The following KALRN variants were observed in gnomAD, a reference collection of about 807,000 sequenced individuals.
The protein encoded by KALRN is kalirin RhoGEF kinase.
A neutral mutation model predicts 353.7 loss-of-function variants in KALRN; 70 were observed. That is an observed-to-expected ratio of 0.20 (90% confidence interval 0.16 to 0.24). KALRN has a LOEUF of 0.24. Among genes scored for constraint, KALRN ranks in the 10% least tolerant of loss-of-function variants. The probability of loss-of-function intolerance (pLI) is 1.00; values close to 1 mark genes in which losing one functional copy is unlikely to be tolerated. For missense variants in KALRN, 2,791 were observed against 3,756.7 expected (o/e 0.74, Z 6.72); for synonymous variants, 1,391 against 1,434.8 (o/e 0.97, Z 0.69).
At chr3:124,637,151 T>C (rs1231806597) in intron 36 of KALRN, 57 bp from the exon 37 acceptor site, 1 of 1,349,888 alleles carries the variant, frequency 7.4e-7, no homozygotes, top group East Asian at 2.3e-5. Context: ...TATTTCCTGA[T>C]CACTGTTCCT....
At chr3:124,408,333 T>G (rs1000868306) in intron 13 of KALRN, among the ~76,000 whole-genome samples, 1 of 152,152 alleles carries the variant, frequency 6.6e-6, no homozygotes, top group East Asian at 1.9e-4. Flanking sequence ...GAAGTGAGAA[T>G]AGTAAAAAGA....
At chr3:124,148,104 C>T (rs909404930) in intron 1 of KALRN, among the ~76,000 whole-genome samples, 2 of 152,106 alleles carry the variant, frequency 1.3e-5, no homozygotes, top group African/African-American at 2.4e-5. Context: ...AAGGACTTGA[C>T]CAACAATGGG....
intron 47 of KALRN, among the ~76,000 whole-genome samples, chr3:124,669,042 C>A (rs1265875079): frequency 6.6e-6 from 1 of 152,190 alleles, no homozygotes; most frequent in East Asian, 1.9e-4. Context: ...CTGTGCCAGG[C>A]ACTATGCTAA....
At chr3:124,671,605 C>T (rs142035081) in intron 47 of KALRN, 55 bp from the exon 48 acceptor site, 30 of 1,341,772 alleles carry the variant, frequency 2.2e-5, no homozygotes, top group Non-Finnish European at 3.0e-5. Context: ...AAGAGGCCTC[C>T]AAATCCTTGT....
chr3:124,510,367 T>C (rs2065766232), intron 33 of KALRN, among the ~76,000 whole-genome samples: 1 of 152,044 alleles, frequency 6.6e-6, no homozygotes, highest in South Asian at 2.1e-4. Context: ...GTTTGGGGCA[T>C]GGAGAGTCAG....
intron 33 of KALRN, among the ~76,000 whole-genome samples, chr3:124,547,515 G>C (rs914864477): frequency 6.7e-6 from 1 of 148,290 alleles, no homozygotes; most frequent in African/African-American, 2.5e-5. Context: ...TGTGTTGCCT[G>C]GGCTGGTCTT....
At chr3:124,380,730 TG>T (rs772546142) in intron 10 of KALRN, among the ~76,000 whole-genome samples, 1 of 152,216 alleles carries the variant, frequency 6.6e-6, no homozygotes, top group African/African-American at 2.4e-5. Flanking sequence ...TGCCCCAATT[TG>T]GGGGTATTGA....
chr3:124,714,766 A>G (rs1221336543), intron 58 of KALRN, among the ~76,000 whole-genome samples: 1 of 152,218 alleles, frequency 6.6e-6, no homozygotes, highest in Admixed American at 6.5e-5. Flanking sequence ...CTGTAATTCT[A>G]GCACTTTGAG....
At chr3:124,174,471 G>C (rs1385769880) in intron 1 of KALRN, among the ~76,000 whole-genome samples, 4 of 152,128 alleles carry the variant, frequency 2.6e-5, no homozygotes. Flanking sequence ...TATACACAAG[G>C]CTCACTAGCT....
chr3:124,482,635 G>T (rs1295249905), intron 27 of KALRN, among the ~76,000 whole-genome samples, 173 bp from the exon 28 acceptor site: 3 of 151,110 alleles, frequency 2.0e-5, no homozygotes, highest in Non-Finnish European at 2.9e-5. Flanking sequence ...ATGCATCTTG[G>T]TCTCTTTTGT....
At chr3:124,303,786 A>T (rs2077452849) in intron 6 of KALRN, among the ~76,000 whole-genome samples, 1 of 152,110 alleles carries the variant, frequency 6.6e-6, no homozygotes, top group Non-Finnish European at 1.5e-5. Context: ...AGCTGTTTTA[A>T]TCCCACTAAT....
At chr3:124,585,997 G>A (rs1452003382) in intron 34 of KALRN, among the ~76,000 whole-genome samples, 1 of 152,192 alleles carries the variant, frequency 6.6e-6, no homozygotes, top group African/African-American at 2.4e-5. Context: ...ATCCTGAGCA[G>A]ATATAAGGTT....
chr3:124,152,275 A>G, intron 1 of KALRN: 1 of 1,317,872 alleles, frequency 7.6e-7, no homozygotes, highest in Non-Finnish European at 1.1e-6. Flanking sequence ...CCCCTATGCA[A>G]TATATGGTTC....
intron 1 of KALRN, chr3:124,094,967 A>G (rs1402483993): frequency 6.8e-6 from 10 of 1,468,598 alleles, no homozygotes; most frequent in Non-Finnish European, 9.5e-6. Flanking sequence ...ATAGAGACAT[A>G]AAGAGACATG....
At chr3:124,624,458 C>T (rs2079698351) in intron 34 of KALRN, among the ~76,000 whole-genome samples, 1 of 152,234 alleles carries the variant, frequency 6.6e-6, no homozygotes, top group South Asian at 2.1e-4. Flanking sequence ...TAGTTTCAGG[C>T]ATCCACTGGG....
At chr3:124,560,927 A>G (rs1382416120) in intron 33 of KALRN, among the ~76,000 whole-genome samples, 1 of 152,142 alleles carries the variant, frequency 6.6e-6, no homozygotes, top group Non-Finnish European at 1.5e-5. Context: ...CTGAATCATG[A>G]TGTGTGATTG....
chr3:124,464,562 A>C (rs1337153722), intron 25 of KALRN, among the ~76,000 whole-genome samples: 1 of 152,186 alleles, frequency 6.6e-6, no homozygotes, highest in Non-Finnish European at 1.5e-5. Context: ...AAATCCAACT[A>C]TCAAGAACAC....
chr3:124,168,664 A>C (rs898230877), intron 1 of KALRN, among the ~76,000 whole-genome samples: 1 of 152,202 alleles, frequency 6.6e-6, no homozygotes, highest in Admixed American at 6.5e-5. Context: ...CTCTTGGTCA[A>C]CTTTCCGTCT....
At chr3:124,692,012 C>G (rs1412575491) in intron 51 of KALRN, among the ~76,000 whole-genome samples, 2 of 152,204 alleles carry the variant, frequency 1.3e-5, no homozygotes, top group Non-Finnish European at 2.9e-5. Context: ...TATCCAAGAT[C>G]AGTTCCCTGG....
Sources: gnomAD v4.1 joint callset for allele counts (sites outside exome capture counted in the v4.1 genomes callset) on GRCh38, gnomAD v4.1.1 for gene constraint, MANE v1.5 for transcripts, NCBI Gene and HGNC (gene_info 2026-07-23, HGNC 2026-07-21) for gene names.